Variants in PRKCE observed in about 807,000 individuals in gnomAD.
PRKCE encodes the protein protein kinase C epsilon type.
A neutral mutation model predicts 85.4 loss-of-function variants in PRKCE; 16 were observed. That is an observed-to-expected ratio of 0.19 (90% CI 0.13 to 0.28). The LOEUF is 0.28. Ranked by LOEUF, PRKCE falls within the 10% of genes least tolerant of loss-of-function variation. PRKCE has a pLI of 1.00. For synonymous variants in PRKCE, 388 were observed against 371.5 expected, an observed-to-expected ratio of 1.04 and a Z score of -0.51; for missense variants, 573 against 975.2, an observed-to-expected ratio of 0.59 and a Z score of 5.49.
intron 10 of PRKCE, among the ~76,000 whole-genome samples, chr2:46,079,463 A>T (rs997688903): frequency 6.6e-6 from 1 of 152,164 alleles, no homozygotes; most frequent in Non-Finnish European, 1.5e-5. Context: ...CCTACCCAAA[A>T]TCTGGGCCCC....
chr2:45,726,064 C>G (rs77587651), intron 1 of PRKCE, among the ~76,000 whole-genome samples: 28 of 152,286 alleles, frequency 1.8e-4, no homozygotes, highest in African/African-American at 6.7e-4. Context: ...GCTGCAGTCT[C>G]TTGACCAAAC....
chr2:46,026,958 G>A (rs1314812775), intron 10 of PRKCE, among the ~76,000 whole-genome samples: 4 of 152,290 alleles, frequency 2.6e-5, no homozygotes, highest in African/African-American at 9.6e-5. Context: ...GGCCAAGGCA[G>A]GAGGATTGCT....
At chr2:45,768,351 C>T (rs749484297) in intron 1 of PRKCE, among the ~76,000 whole-genome samples, 2 of 152,210 alleles carry the variant, frequency 1.3e-5, no homozygotes, top group Non-Finnish European at 2.9e-5. Flanking sequence ...CAAATGACAT[C>T]GTCTATGTGT....
At chr2:45,699,733 A>G (rs1419759153) in intron 1 of PRKCE, among the ~76,000 whole-genome samples, 5 of 152,124 alleles carry the variant, frequency 3.3e-5, no homozygotes, top group Non-Finnish European at 7.4e-5. Flanking sequence ...TGCACAGGGT[A>G]AGGTGGTAAA....
At chr2:45,954,572 A>T (rs1484763155) in intron 2 of PRKCE, among the ~76,000 whole-genome samples, 2 of 152,216 alleles carry the variant, frequency 1.3e-5, no homozygotes, top group African/African-American at 4.8e-5. Context: ...ACATTCATAG[A>T]GGGTACATAT....
At chr2:46,085,755 G>GTTT (rs869284473) in intron 10 of PRKCE, among the ~76,000 whole-genome samples, 1 of 21,562 alleles carries the variant, frequency 4.6e-5, no homozygotes, top group Non-Finnish European at 9.2e-5. Context: ...TTTTGTTTTT[G>GTTT]TTTTTTTTTT....
chr2:46,178,023 G>T (rs1409420136), intron 14 of PRKCE, among the ~76,000 whole-genome samples: 4 of 152,170 alleles, frequency 2.6e-5, no homozygotes, highest in Non-Finnish European at 4.4e-5. Context: ...ACTTTGGGAG[G>T]CTGAGGCAGG....
At chr2:45,659,123 A>T (rs1675517303) in intron 1 of PRKCE, among the ~76,000 whole-genome samples, 1 of 152,126 alleles carries the variant, frequency 6.6e-6, no homozygotes, top group Admixed American at 6.6e-5. Flanking sequence ...TATATATGGG[A>T]TTGCCTTCAG....
chr2:45,955,371 T>A (rs1321641645), intron 2 of PRKCE, among the ~76,000 whole-genome samples: 1 of 152,128 alleles, frequency 6.6e-6, no homozygotes, highest in Non-Finnish European at 1.5e-5. Flanking sequence ...GTTGGTGTGA[T>A]AAAAACATGG....
chr2:45,693,977 G>A (rs927023815), intron 1 of PRKCE, among the ~76,000 whole-genome samples: 4 of 151,856 alleles, frequency 2.6e-5, no homozygotes, highest in African/African-American at 4.8e-5. Context: ...AGTCCGACTC[G>A]TGTGGAAATG....
intron 1 of PRKCE, among the ~76,000 whole-genome samples, chr2:45,760,538 C>A (rs1187943887): frequency 6.6e-6 from 1 of 152,038 alleles, no homozygotes; most frequent in African/African-American, 2.4e-5. Flanking sequence ...CCTTCATAAG[C>A]GTGGAGGATT....
chr2:45,929,352 G>A (rs1270932170), intron 2 of PRKCE, among the ~76,000 whole-genome samples: 1 of 152,194 alleles, frequency 6.6e-6, no homozygotes, highest in Non-Finnish European at 1.5e-5. Flanking sequence ...TCCTCCCGGC[G>A]GAAGATGCCC....
intron 11 of PRKCE, among the ~76,000 whole-genome samples, chr2:46,135,650 T>C (rs534711625): frequency 1.3e-5 from 2 of 151,270 alleles, no homozygotes; most frequent in East Asian, 1.9e-4. Context: ...TCCCTGGAGA[T>C]TGGCCCAGAA....
rs573059084 is a variant in PRKCE at position 45,761,123 on chromosome 2, T to G, written c.349-81877T>G. Among the ~76,000 whole-genome samples, 1,291 of 152,036 alleles carry G rather than the reference T, an allele frequency of 8.5e-3. 13 individuals are homozygous for G. The highest frequency in any genetic ancestry group is 0.03 in the African/African-American group (1,237 of 41,460). ...TGGGCGGATCACGAGGTCAGGAGAT[T>G]GAGACCATCTTGGCTAACACGGTGA... On this transcript the variant is annotated intron_variant, in intron 1 of 14. Coordinates refer to ENST00000306156, the MANE Select transcript of PRKCE (RefSeq NM_005400.3).
chr2:45,893,049 T>G (rs750872726), intron 2 of PRKCE, among the ~76,000 whole-genome samples: 1 of 152,118 alleles, frequency 6.6e-6, no homozygotes, highest in African/African-American at 2.4e-5. Flanking sequence ...CTCTCCAAGA[T>G]GGGCTGACTG....
intron 1 of PRKCE, among the ~76,000 whole-genome samples, chr2:45,740,301 G>A (rs1260756060): frequency 6.6e-6 from 1 of 152,162 alleles, no homozygotes; most frequent in Non-Finnish European, 1.5e-5. Context: ...AGTCCCTAGG[G>A]AATGTGGGAA....
chr2:46,071,136 C>T (rs1359663384), intron 10 of PRKCE, among the ~76,000 whole-genome samples: 1 of 152,210 alleles, frequency 6.6e-6, no homozygotes, highest in Non-Finnish European at 1.5e-5. Context: ...CTCATTTTGA[C>T]ACCTTCCCCC....
At chr2:45,949,423 G>A (rs201517518) in intron 2 of PRKCE, among the ~76,000 whole-genome samples, 2 of 52,862 alleles carry the variant, frequency 3.8e-5, no homozygotes, top group Admixed American at 1.5e-4. Context: ...TTTTTTGATT[G>A]TTGTTTTTTT....
At chr2:45,683,251 T>C (rs1302353281) in intron 1 of PRKCE, among the ~76,000 whole-genome samples, 1 of 152,216 alleles carries the variant, frequency 6.6e-6, no homozygotes. Flanking sequence ...CTGCAGGTAA[T>C]TCAGTGCCAG....
Sources: gnomAD v4.1 joint callset for allele counts (sites outside exome capture counted in the v4.1 genomes callset) on GRCh38, gnomAD v4.1.1 for gene constraint, MANE v1.5 for transcripts, NCBI Gene and HGNC (gene_info 2026-07-23, HGNC 2026-07-21) for gene names.